MLIP: variants seen among roughly 807,000 people sequenced by gnomAD.
MLIP encodes the protein muscular LMNA interacting protein, also known as muscular LMNA-interacting protein.
Under a neutral mutation model 84.8 loss-of-function variants are expected in MLIP, and 79 were observed. The observed-to-expected ratio is 0.93, with a 90% CI of 0.78 to 1.12. MLIP has a LOEUF of 1.12. Ranked by LOEUF, MLIP falls within the 50% of genes most tolerant of loss-of-function variation. The probability of loss-of-function intolerance (pLI) is 0.00; values close to 1 mark genes in which losing one functional copy is unlikely to be tolerated. For synonymous variants in MLIP, 504 were observed against 463.0 expected, an observed-to-expected ratio of 1.09 and a Z score of -1.14; for missense variants, 1,257 against 1,160.6, an observed-to-expected ratio of 1.08 and a Z score of -1.21.
chr6:54,239,228 C>A (rs1478463251), intron 12 of MLIP, among the ~76,000 whole-genome samples: 1 of 151,826 alleles, frequency 6.6e-6, no homozygotes, highest in African/African-American at 2.4e-5. Context: ...AACACTCTCA[C>A]TCGCAGACCC....
At chr6:54,232,957 C>T (rs73741484) in intron 12 of MLIP, among the ~76,000 whole-genome samples, 4,145 of 152,224 alleles carry the variant, frequency 0.027, 167 homozygotes, top group African/African-American at 0.092. Context: ...GCAGTGTGCA[C>T]TCTTCTCTTC....
At chr6:54,135,888 T>C (rs1241206609) in intron 3 of MLIP, among the ~76,000 whole-genome samples, 8 of 152,204 alleles carry the variant, frequency 5.3e-5, no homozygotes. Flanking sequence ...TGTAAAATGA[T>C]GAATTGTTCT....
intron 10 of MLIP, among the ~76,000 whole-genome samples, chr6:54,191,568 G>A (rs1403817420): frequency 1.3e-5 from 2 of 152,164 alleles, no homozygotes; most frequent in African/African-American, 2.4e-5. Flanking sequence ...TGGTCTGACA[G>A]TGGGTAAGTC....
At chr6:54,265,851 G>T (rs1783655640) in intron 13 of MLIP, 99 bp from the exon 14 acceptor site, 3 of 1,102,874 alleles carry the variant, frequency 2.7e-6, no homozygotes, top group Admixed American at 2.3e-5. Flanking sequence ...CCATTTTTTT[G>T]TAGGAGATGC....
At chr6:54,243,260 G>A (rs996324072) in intron 12 of MLIP, among the ~76,000 whole-genome samples, 50 of 152,298 alleles carry the variant, frequency 3.3e-4, no homozygotes, top group African/African-American at 1.2e-3. Flanking sequence ...AAGGCTGGGA[G>A]TGGACTGGGC....
chr6:54,083,356 G>T (rs1767283504), intron 1 of MLIP: 1 of 915,120 alleles, frequency 1.1e-6, no homozygotes. Context: ...ATATTCAGAT[G>T]GGATTGAAAT....
intron 9 of MLIP, among the ~76,000 whole-genome samples, chr6:54,176,597 A>T (rs1243613187): frequency 1.3e-5 from 2 of 152,090 alleles, no homozygotes; most frequent in Non-Finnish European, 2.9e-5. Flanking sequence ...GCATAGGAAG[A>T]ATCAATATTG....
chr6:54,035,190 A>G (rs908874753), intron 1 of MLIP, among the ~76,000 whole-genome samples: 2 of 152,148 alleles, frequency 1.3e-5, no homozygotes, highest in African/African-American at 2.4e-5. Flanking sequence ...ATTTCTTAGA[A>G]TGAATCTCTG....
At chr6:54,020,392 A>G (rs1265009464) in intron 1 of MLIP, among the ~76,000 whole-genome samples, 1 of 152,236 alleles carries the variant, frequency 6.6e-6, no homozygotes, top group African/African-American at 2.4e-5. Flanking sequence ...GTTAAAATGC[A>G]TTTAAAAGTA....
chr6:54,142,661 C>T (rs1357500969), intron 4 of MLIP, among the ~76,000 whole-genome samples: 1 of 152,070 alleles, frequency 6.6e-6, no homozygotes, highest in African/African-American at 2.4e-5. Flanking sequence ...GACAGGAAGT[C>T]TTTGGAGGGT....
At chr6:54,181,372 T>C (rs1215459483) in intron 9 of MLIP, among the ~76,000 whole-genome samples, 1 of 147,802 alleles carries the variant, frequency 6.8e-6, no homozygotes, top group Non-Finnish European at 1.5e-5. Flanking sequence ...TTAGTCAGCG[T>C]GTGGGAAATA....
intron 3 of MLIP, among the ~76,000 whole-genome samples, chr6:54,134,155 G>A (rs1005105965): frequency 4.6e-5 from 7 of 152,022 alleles, no homozygotes; most frequent in Non-Finnish European, 2.9e-5. Context: ...CACTAATAAG[G>A]GATTTACAGG....
At chr6:54,043,800 T>C (rs1764882404) in intron 1 of MLIP, among the ~76,000 whole-genome samples, 1 of 152,186 alleles carries the variant, frequency 6.6e-6, no homozygotes. Flanking sequence ...TTTAAGGGAA[T>C]GTCAGGTGAC....
upstream of MLIP, among the ~76,000 whole-genome samples, chr6:54,110,824 T>C (rs1173538805): frequency 6.6e-6 from 1 of 152,254 alleles, no homozygotes; most frequent in Non-Finnish European, 1.5e-5. Context: ...GGATTCTCAC[T>C]GTCTTCCAGG....
intron 1 of MLIP, among the ~76,000 whole-genome samples, chr6:54,060,865 C>T (rs1245729564): frequency 6.6e-6 from 1 of 151,934 alleles, no homozygotes; most frequent in African/African-American, 2.4e-5. Flanking sequence ...AGAAGATACA[C>T]AGAGTTCAAT....
chr6:54,215,454 C>T (rs1779791962), intron 11 of MLIP: 1 of 1,144,920 alleles, frequency 8.7e-7, no homozygotes, highest in Non-Finnish European at 1.1e-6. Context: ...AAATTTTTTC[C>T]AAGTGCTTTC....
At chr6:54,255,199 C>T (rs1457717707) in intron 12 of MLIP, among the ~76,000 whole-genome samples, 1 of 152,168 alleles carries the variant, frequency 6.6e-6, no homozygotes, top group African/African-American at 2.4e-5. Flanking sequence ...CATATTGCCA[C>T]CTCATACTTG....
rs115338209 is a variant in MLIP, at chr6:54,077,257, G to A, written c.64-44190G>A. Among the ~76,000 whole-genome samples, 133 of 152,140 alleles carry A rather than the reference G, an allele frequency of 8.7e-4. 1 individual carries two copies. The highest frequency in any genetic ancestry group is 2.8e-3 in the African/African-American group (117 of 41,498). ...AAAGCAAAGTTGACAAATCTTTTGT[G>A]TAAAGGGTCAGATAGTCAATATTTT... is the stretch of plus-strand genomic sequence containing the variant. On this transcript the variant is annotated intron_variant, in intron 1 of 12. Transcript: ENST00000274897.
At chr6:54,224,735 C>T (rs1182647520) in intron 11 of MLIP, among the ~76,000 whole-genome samples, 1 of 151,906 alleles carries the variant, frequency 6.6e-6, no homozygotes, top group African/African-American at 2.4e-5. Flanking sequence ...CCTCGACCCC[C>T]TTGCACTCTT....
Sources: gnomAD v4.1 joint callset for allele counts (sites outside exome capture counted in the v4.1 genomes callset) on GRCh38, gnomAD v4.1.1 for gene constraint, MANE v1.5 for transcripts, NCBI Gene and HGNC (gene_info 2026-07-23, HGNC 2026-07-21) for gene names.